ARHGAP8: variants seen among roughly 807,000 people sequenced by gnomAD.
The protein encoded by ARHGAP8 is rho GTPase-activating protein 8.
A neutral mutation model predicts 46.1 loss-of-function variants in ARHGAP8; 62 were observed. That is an observed-to-expected ratio of 1.34 (90% CI 1.10 to 1.66). The LOEUF (loss-of-function observed/expected upper bound fraction) is 1.66, where lower values mean the gene tolerates loss of function less well. ARHGAP8 is among the 40% of genes most tolerant of loss of function. ARHGAP8 has a pLI of 0.00. For synonymous variants in ARHGAP8, 375 were observed against 243.1 expected, an observed-to-expected ratio of 1.54 and a Z score of -5.05; for missense variants, 923 against 568.4, an observed-to-expected ratio of 1.62 and a Z score of -6.34.
chr22:44,854,872 C>A (rs1334944261), intron 10 of ARHGAP8, among the ~76,000 whole-genome samples: 1 of 152,238 alleles, frequency 6.6e-6, no homozygotes, highest in Non-Finnish European at 1.5e-5. Context: ...TCTTGAGCTC[C>A]TGACCTCAGG....
At chr22:44,774,070 G>A (rs760865711) in intron 1 of ARHGAP8, among the ~76,000 whole-genome samples, 30 of 152,264 alleles carry the variant, frequency 2.0e-4, no homozygotes, top group African/African-American at 2.9e-4. Context: ...ATGGAGACAC[G>A]GGTTGAGACA....
Position 44,790,547 on chromosome 22 carries a change from A to G in ARHGAP8, c.79+3941A>G, listed in dbSNP as rs1161470797. On this transcript the variant is annotated intron_variant, in intron 2 of 11. Coordinates refer to ENST00000356099, the MANE Select transcript of ARHGAP8 (RefSeq NM_181335.3). ...AAAAATTAGCCAGGTGTGGTGGCACATATCTGTAATCCCAGCTACTTGGGA... is the reference window on the plus strand; with the variant it reads ...AAAAATTAGCCAGGTGTGGTGGCACGTATCTGTAATCCCAGCTACTTGGGA... Among the ~76,000 whole-genome samples, 4 of 151,660 alleles carry G rather than the reference A, an allele frequency of 2.6e-5. No individual in the cohort carries two copies. The East Asian group carries it at 6.0e-4, about 23-fold the overall frequency.
intron 1 of ARHGAP8, among the ~76,000 whole-genome samples, chr22:44,771,236 A>G (rs1417325971): frequency 6.9e-6 from 1 of 145,296 alleles, no homozygotes; most frequent in Non-Finnish European, 1.5e-5. Context: ...TGTAGTTTGC[A>G]AGTAAATTTT....
At chr22:44,758,085 G>A (rs1924828267) in intron 1 of ARHGAP8, among the ~76,000 whole-genome samples, 3 of 152,144 alleles carry the variant, frequency 2.0e-5, no homozygotes, top group Admixed American at 2.0e-4. Context: ...AGGGACCCAT[G>A]GCAGTTTCCT....
intron 2 of ARHGAP8, among the ~76,000 whole-genome samples, chr22:44,787,528 AG>A (rs1244307325): frequency 6.6e-6 from 1 of 152,114 alleles, no homozygotes; most frequent in Non-Finnish European, 1.5e-5. Context: ...TATTTTTAGT[AG>A]AGACGGGGTT....
intron 8 of ARHGAP8, among the ~76,000 whole-genome samples, chr22:44,846,708 A>G (rs1349733912): frequency 6.6e-6 from 1 of 151,850 alleles, no homozygotes. Context: ...CCTCCCCATC[A>G]TTCACTCATT....
intron 4 of ARHGAP8, among the ~76,000 whole-genome samples, chr22:44,813,300 A>G (rs939332763): frequency 1.3e-5 from 2 of 151,800 alleles, no homozygotes; most frequent in African/African-American, 4.9e-5. Flanking sequence ...ACACCTGGAT[A>G]CAGTACATAC....
chr22:44,855,781 GA>G (rs1203633163), intron 10 of ARHGAP8, among the ~76,000 whole-genome samples: 2 of 152,172 alleles, frequency 1.3e-5, no homozygotes, highest in African/African-American at 4.8e-5. Flanking sequence ...AGCGCCCTCA[GA>G]GCTGGTGATG....
intron 4 of ARHGAP8, chr22:44,809,657 C>T (rs1471281041): frequency 1.3e-5 from 2 of 159,184 alleles, no homozygotes; most frequent in Non-Finnish European, 2.8e-5. Flanking sequence ...TGGCCATGGC[C>T]TGGAGCCGGC....
chr22:44,802,067 G>A lies in ARHGAP8; in HGVS notation c.80-10G>A. The A allele has an allele frequency of 7.4e-6, 12 of 1,613,998 alleles. No individual in the cohort carries two copies. Among genetic ancestry groups the A allele is most frequent in the Non-Finnish European group, 9.3e-6 (11 of 1,179,870 alleles). On this transcript the variant is annotated splice_polypyrimidine_tract_variant and intron_variant, in intron 2 of 11. Transcript: ENST00000356099. ...GTGGCACAGAGGCTCACCTGTGTCT[G>A]CTCCTCCAGGGGATGACCGCTTTGG... is the stretch of plus-strand genomic sequence containing the variant.
intron 1 of ARHGAP8, chr22:44,786,233 G>T: frequency 1.6e-6 from 1 of 629,092 alleles, no homozygotes; most frequent in Non-Finnish European, 2.8e-6. Context: ...GTGTATAATG[G>T]GTGCTCGGCT....
intron 2 of ARHGAP8, among the ~76,000 whole-genome samples, chr22:44,794,543 T>C (rs924139765): frequency 2.0e-5 from 3 of 152,056 alleles, no homozygotes; most frequent in Non-Finnish European, 4.4e-5. Flanking sequence ...ACCTCATCTC[T>C]ACTAAAAATA....
chr22:44,854,106 C>G (rs1477911292), intron 10 of ARHGAP8, among the ~76,000 whole-genome samples: 1 of 144,442 alleles, frequency 6.9e-6, no homozygotes, highest in African/African-American at 2.6e-5. Context: ...GAGAGAATTC[C>G]TCTCTTCTCA....
chr22:44,759,935 G>A (rs1185523747), intron 1 of ARHGAP8, among the ~76,000 whole-genome samples: 2 of 152,186 alleles, frequency 1.3e-5, no homozygotes, highest in Non-Finnish European at 2.9e-5. Flanking sequence ...AGAGATGCTT[G>A]GTGTTCCCTA....
chr22:44,809,041 C>T (rs765762975), intron 4 of ARHGAP8: 4 of 460,562 alleles, frequency 8.7e-6, no homozygotes, highest in South Asian at 1.6e-5. Context: ...AGGCTGGTCT[C>T]GAACTCCAAG....
chr22:44,848,108 CG>C, intron 9 of ARHGAP8, 58 bp downstream of exon 9: 1 of 1,591,464 alleles, frequency 6.3e-7, no homozygotes. Flanking sequence ...CACAGCGCTC[CG>C]GGGCCTCAGA....
At chr22:44,859,454 G>A (rs933924273) in intron 10 of ARHGAP8, among the ~76,000 whole-genome samples, 2 of 152,198 alleles carry the variant, frequency 1.3e-5, no homozygotes, top group Non-Finnish European at 2.9e-5. Flanking sequence ...TCCAGAAGCT[G>A]AACAGGTGCT....
At chr22:44,848,761 G>T (rs11703013) in intron 9 of ARHGAP8, among the ~76,000 whole-genome samples, 171 bp from the exon 10 acceptor site, 32,320 of 152,050 alleles carry the variant, frequency 0.21, 4,318 homozygotes, top group East Asian at 0.28. Context: ...GGCTGATGGG[G>T]CCAGAGCACA....
chr22:44,800,572 C>T (rs1433663689), intron 2 of ARHGAP8, among the ~76,000 whole-genome samples: 2 of 137,134 alleles, frequency 1.5e-5, no homozygotes, highest in East Asian at 4.9e-4. Context: ...CGCCCCTCCC[C>T]GCAGCTGTCC....
Sources: allele counts gnomAD v4.1 joint callset (sites outside exome capture counted in the v4.1 genomes callset), GRCh38; gene constraint gnomAD v4.1.1; transcripts MANE v1.5; gene names NCBI Gene and HGNC (gene_info 2026-07-23, HGNC 2026-07-21).